The following NHS variants were observed in gnomAD, a reference collection of about 807,000 sequenced individuals.
NHS encodes actin remodeling regulator NHS.
In NHS, 5 loss-of-function variants were observed where a neutral mutation model predicts 72.5. The observed-to-expected ratio is 0.07, with a 90% CI of 0.04 to 0.14. NHS has a LOEUF of 0.14. NHS is among the 10% of genes least tolerant of loss of function. The pLI, the probability that NHS is intolerant of heterozygous loss-of-function variation, is 1.00. For synonymous variants in NHS, 464 were observed against 547.7 expected, an observed-to-expected ratio of 0.85 and a Z score of 2.13; for missense variants, 1,072 against 1,355.7, an observed-to-expected ratio of 0.79 and a Z score of 3.29.
intron 1 of NHS, among the ~76,000 whole-genome samples, chrX:17,619,875 G>A (rs1322882163): frequency 9.0e-6 from 1 of 111,288 alleles, no homozygotes; most frequent in Non-Finnish European, 1.9e-5. Context: ...CACCTACAGC[G>A]ACTTCTTACC....
intron 1 of NHS, among the ~76,000 whole-genome samples, chrX:17,507,597 G>A (rs1007570547): frequency 8.9e-6 from 1 of 112,103 alleles, no homozygotes; most frequent in African/African-American, 3.2e-5. Flanking sequence ...GTAAGGCACT[G>A]TTGCTTATTT....
At chrX:17,600,470 G>A (rs984380773) in intron 1 of NHS, among the ~76,000 whole-genome samples, 2 of 112,054 alleles carry the variant, frequency 1.8e-5, no homozygotes, top group African/African-American at 6.5e-5. Context: ...AACAATATAC[G>A]TTAATTTAAG....
rs1036117054 is a variant in NHS at position 17,562,972 on chromosome X, T to G, written c.566-124770T>G. Among the ~76,000 whole-genome samples, 3 of 111,950 alleles carry G rather than the reference T, an allele frequency of 2.7e-5. No individual in the cohort carries two copies. The Admixed American group carries it at 2.9e-4, about 11-fold the overall frequency. ...CTCTAGAACTTCAGTCAGAAAATGT[T>G]GAAATGTGCTCTGGGTAGTGACTCC... On this transcript the variant is annotated intron_variant, in intron 1 of 8. Transcript: ENST00000676302.
chrX:17,385,638 C>T (rs986188959), intron 1 of NHS, among the ~76,000 whole-genome samples: 16 of 112,044 alleles, frequency 1.4e-4, no homozygotes, highest in Non-Finnish European at 2.6e-4. Context: ...TTTAAAAACA[C>T]TACATAATAT....
intron 1 of NHS, among the ~76,000 whole-genome samples, chrX:17,508,324 C>A (rs1250654979): frequency 2.7e-5 from 3 of 110,886 alleles, no homozygotes; most frequent in Non-Finnish European, 5.7e-5. Context: ...ATACAATATT[C>A]ATTCTTTTGT....
chrX:17,627,572 G>A (rs1034874506), intron 1 of NHS, among the ~76,000 whole-genome samples: 7 of 111,900 alleles, frequency 6.3e-5, no homozygotes, highest in Admixed American at 2.9e-4. Flanking sequence ...CACACTAAAG[G>A]CACCAGAGTC....
chrX:17,509,044 A>C (rs1237859063), intron 1 of NHS, among the ~76,000 whole-genome samples: 7 of 110,787 alleles, frequency 6.3e-5, no homozygotes, highest in Admixed American at 2.9e-4. Context: ...CCTCTTAGGG[A>C]ACTAGCTTAT....
intron 1 of NHS, among the ~76,000 whole-genome samples, chrX:17,401,540 G>A (rs891413780): frequency 8.9e-6 from 1 of 112,054 alleles, no homozygotes; most frequent in Non-Finnish European, 1.9e-5. Context: ...ACAAACTGGG[G>A]TGGCATAAGA....
intron 1 of NHS, among the ~76,000 whole-genome samples, chrX:17,562,302 A>C (rs1487427136): frequency 8.9e-6 from 1 of 112,104 alleles, no homozygotes; most frequent in Non-Finnish European, 1.9e-5. Context: ...AGACTCTGGG[A>C]GGCTATGCAT....
chrX:17,731,937 A>G lies in NHS; in HGVS notation c.4429A>G (p.Ser1477Gly), dbSNP rs992445871. ...CAAATCGAGAGCTCCCCTCAGCAGT[A>G]GCAGCAGCAGCGCCAGTTCCATCAC... The part of the protein sequence containing the change: ...RSKSRAPLSS[S>G]SSSASSITSP... The change falls in exon 9 of 9, where the codon AGC (serine) becomes GGC (glycine). Residue 1477 changes from serine to glycine, a missense_variant. Transcript: ENST00000676302. 1 of 1,209,468 alleles carries G rather than the reference A, an allele frequency of 8.3e-7. No individual in the cohort carries two copies. Among genetic ancestry groups the G allele is most frequent in the Non-Finnish European group, 1.1e-6 (1 of 894,915 alleles).
rs759286145 is a variant in NHS, at chrX:17,728,642, T to C, written c.4223-7T>C. On this transcript the variant is annotated splice_region_variant and splice_polypyrimidine_tract_variant and intron_variant, in intron 7 of 8. Transcript: ENST00000676302. ...CCTCTTAAAGATTCTTCTGTTCTTA[T>C]TTTAAGAATCATCACCGAGTGATGA... The C allele has an allele frequency of 4.1e-6, 5 of 1,210,732 alleles. No individual in the cohort carries two copies. Among genetic ancestry groups the C allele is most frequent in the Non-Finnish European group, 5.6e-6 (5 of 894,803 alleles).
chrX:17,452,204 T>C (rs896921618), intron 1 of NHS, among the ~76,000 whole-genome samples: 8 of 111,663 alleles, frequency 7.2e-5, no homozygotes, highest in African/African-American at 2.6e-4. Context: ...CGGGGGCACA[T>C]TGTTGAAGCA....
At chrX:17,698,225 AAGAG>A (rs764993947) in intron 3 of NHS, among the ~76,000 whole-genome samples, 1 of 111,838 alleles carries the variant, frequency 8.9e-6, no homozygotes, top group Admixed American at 9.5e-5. Context: ...GACCAAGAAA[AAGAG>A]AGAGAAAACA....
At chrX:17,478,949 G>A (rs1046029687) in intron 1 of NHS, among the ~76,000 whole-genome samples, 3 of 110,786 alleles carry the variant, frequency 2.7e-5, no homozygotes, top group Admixed American at 9.7e-5. Flanking sequence ...TATATGTGCC[G>A]AAGGTGCGGG....
Position 17,668,999 on chromosome X carries a change from T to C in NHS, c.566-18743T>C, listed in dbSNP as rs765703704. ...TTAGGCAGAGGGTCTTGGGGAATCA[T>C]GAGAAGCAGCCTTCTGACTGTTGAA... On this transcript the variant is annotated intron_variant, in intron 1 of 8. Transcript: ENST00000676302. Among the ~76,000 whole-genome samples the C allele has an allele frequency of 8.3e-4, 93 of 112,131 alleles. 1 individual carries two copies. The highest frequency in any genetic ancestry group is 2.5e-3 in the African/African-American group (78 of 30,853).
intron 1 of NHS, among the ~76,000 whole-genome samples, chrX:17,642,150 G>A (rs748416269): frequency 8.9e-6 from 1 of 112,072 alleles, no homozygotes; most frequent in African/African-American, 3.2e-5. Flanking sequence ...GTTTCACCAT[G>A]TTAGCCAGGA....
In NHS at chrX:17,557,480, A is replaced by G. The variant is rs184828934; in HGVS notation, c.566-130262A>G. On this transcript the variant is annotated intron_variant, in intron 1 of 8. Transcript: ENST00000676302. The stretch of plus-strand genomic sequence containing the variant: ...GTTTTTTTCTAAGGCTGCATGCTAC[A>G]TGGGCCATACACAAGTATTCACCAG... 5.3e-4 allele frequency: 59 copies of G among 110,516 alleles called. 1 individual carries two copies. The highest frequency in any genetic ancestry group is 4.3e-3 in the Admixed American group (44 of 10,321). The allele number at this position is 110,516 out of a possible 1,213,427, so 9.1% of individuals were successfully genotyped here. A position where few individuals can be genotyped will look rare whatever the true frequency, so the allele number is the denominator to read the frequency against.
chrX:17,656,398 G>C (rs1440435128), intron 1 of NHS, among the ~76,000 whole-genome samples: 1 of 112,930 alleles, frequency 8.9e-6, no homozygotes, highest in Non-Finnish European at 1.9e-5. Context: ...GGGGGAGGGG[G>C]TATGGGCAAG....
chrX:17,505,249 A>T (rs1281526810), intron 1 of NHS, among the ~76,000 whole-genome samples: 1 of 111,743 alleles, frequency 8.9e-6, no homozygotes, highest in Non-Finnish European at 1.9e-5. Context: ...TGCTATCAAC[A>T]TTGCTGCATT....
Sources: allele counts gnomAD v4.1 joint callset (sites outside exome capture counted in the v4.1 genomes callset), GRCh38; gene constraint gnomAD v4.1.1; transcripts MANE v1.5; gene names NCBI Gene and HGNC (gene_info 2026-07-23, HGNC 2026-07-21).